Variants in LRBA observed in about 807,000 individuals in gnomAD.
LRBA encodes lipopolysaccharide-responsive and beige-like anchor protein.
In LRBA, 176 loss-of-function variants were observed where a neutral mutation model predicts 330.0. That is an observed-to-expected ratio of 0.53 (90% confidence interval 0.47 to 0.60). The LOEUF is 0.60. Ranked by LOEUF, LRBA falls within the 20% of genes least tolerant of loss-of-function variation. The pLI is 0.00. For synonymous variants in LRBA, 1,230 were observed against 1,193.0 expected (o/e 1.03, Z -0.64); for missense variants, 3,259 against 3,444.8 (o/e 0.95, Z 1.35).
chr4:150,987,243 C>T (rs1741565229), intron 2 of LRBA, among the ~76,000 whole-genome samples: 1 of 152,210 alleles, frequency 6.6e-6, no homozygotes, highest in African/African-American at 2.4e-5. Flanking sequence ...TATTTTACTC[C>T]TACTCCAGTA....
intron 42 of LRBA, among the ~76,000 whole-genome samples, chr4:150,483,066 C>T (rs1005778753): frequency 2.0e-5 from 3 of 151,992 alleles, no homozygotes; most frequent in African/African-American, 7.2e-5. Context: ...AATTCAAGGT[C>T]ACAAAGATTT....
At chr4:150,423,862 C>T (rs1749176618) in intron 46 of LRBA, among the ~76,000 whole-genome samples, 1 of 152,066 alleles carries the variant, frequency 6.6e-6, no homozygotes, top group South Asian at 2.1e-4. Flanking sequence ...GAATACAGAT[C>T]TAAATCAGTA....
At chr4:150,804,984 G>A (rs968693498) in intron 33 of LRBA, among the ~76,000 whole-genome samples, 6 of 151,942 alleles carry the variant, frequency 3.9e-5, no homozygotes, top group South Asian at 2.1e-4. Context: ...TCCTAGGTAC[G>A]AAGATGAAGA....
chr4:150,574,419 T>G (rs1232183740), intron 40 of LRBA, among the ~76,000 whole-genome samples: 1 of 151,868 alleles, frequency 6.6e-6, no homozygotes, highest in East Asian at 1.9e-4. Context: ...TGGTGGAAAA[T>G]TTTAGACTTT....
intron 52 of LRBA, 79 bp from the exon 53 acceptor site, chr4:150,302,871 C>T (rs887380220): frequency 6.6e-6 from 7 of 1,055,238 alleles, no homozygotes; most frequent in East Asian, 5.4e-5. Context: ...TGTAAAACAA[C>T]GAAGCTATAT....
intron 34 of LRBA, among the ~76,000 whole-genome samples, chr4:150,791,954 G>A (rs1025834924): frequency 1.1e-4 from 16 of 149,840 alleles, no homozygotes; most frequent in Admixed American, 2.0e-4. Flanking sequence ...GCATGAACCC[G>A]GGAGATGGAG....
intron 40 of LRBA, among the ~76,000 whole-genome samples, chr4:150,510,916 C>T (rs1051239351): frequency 3.3e-5 from 5 of 152,068 alleles, no homozygotes; most frequent in Non-Finnish European, 5.9e-5. Context: ...AGTGCAGTGG[C>T]GTGATCTTGG....
At chr4:150,766,966 C>T (rs938252841) in intron 34 of LRBA, among the ~76,000 whole-genome samples, 1 of 152,066 alleles carries the variant, frequency 6.6e-6, no homozygotes, top group Non-Finnish European at 1.5e-5. Context: ...CTAAAATATA[C>T]TCTTAGCTTA....
chr4:150,349,700 A>G (rs972707427), intron 48 of LRBA, among the ~76,000 whole-genome samples: 5 of 152,170 alleles, frequency 3.3e-5, no homozygotes, highest in Admixed American at 6.5e-5. Flanking sequence ...TTTTCCTACA[A>G]AAATCATGAG....
intron 31 of LRBA, among the ~76,000 whole-genome samples, chr4:150,815,792 C>G (rs929919935): frequency 6.6e-5 from 10 of 151,838 alleles, no homozygotes; most frequent in Admixed American, 2.6e-4. Context: ...CACTTTCTTG[C>G]TTTTACCATG....
chr4:150,295,877 T>A (rs1373785700), intron 53 of LRBA, among the ~76,000 whole-genome samples: 1 of 152,202 alleles, frequency 6.6e-6, no homozygotes, highest in African/African-American at 2.4e-5. Flanking sequence ...TTTTTCCTAC[T>A]TGCTTGAGAC....
At position 150,377,197 on chromosome 4, in the gene LRBA, T is replaced by TC. The variant is rs147202060; in HGVS notation, c.7195-27039dup. On this transcript the variant is annotated intron_variant, in intron 47 of 56. Coordinates refer to ENST00000651943, the MANE Select transcript of LRBA (RefSeq NM_001364905.1). ...GACTTGGGCTTAGGATAGGAAAACT[T>TC]CCCCTAGGAATTCATATCCACAGGT... is the stretch of plus-strand genomic sequence containing the variant. 8.6e-3 allele frequency among the ~76,000 whole-genome samples: 1,299 copies of TC among 151,164 alleles called. 17 individuals are homozygous for TC. Among genetic ancestry groups the TC allele is most frequent in the African/African-American group, 0.03 (1,233 of 41,260 alleles).
At chr4:150,456,420 T>G (rs62344663) in intron 44 of LRBA, among the ~76,000 whole-genome samples, 34,167 of 152,074 alleles carry the variant, frequency 0.22, 4,488 homozygotes, top group Non-Finnish European at 0.3. Flanking sequence ...TCTCTGATGA[T>G]CAATGATGTT....
chr4:150,799,889 C>T (rs1347272311), intron 33 of LRBA, among the ~76,000 whole-genome samples: 2 of 152,100 alleles, frequency 1.3e-5, no homozygotes, highest in African/African-American at 4.8e-5. Flanking sequence ...GAATTACAGG[C>T]GCCCACCACC....
chr4:150,474,252 C>T lies in LRBA; in HGVS notation c.6552-2513G>A, dbSNP rs1255564421. Among the ~76,000 whole-genome samples, 3 of 152,118 alleles carry T rather than the reference C, an allele frequency of 2.0e-5. No individual in the cohort carries two copies. In the East Asian group the frequency reaches 5.8e-4, roughly 29 times the overall value. On this transcript the variant is annotated intron_variant, in intron 42 of 56. Coordinates refer to ENST00000651943, the MANE Select transcript of LRBA (RefSeq NM_001364905.1). The stretch of plus-strand genomic sequence containing the variant: ...TCTTTTCCTCACTGAATTGTGTTGG[C>T]ACCTTTGCTGCAAAACAATTGACCG...
At chr4:150,645,480 A>T (rs1440613473) in intron 37 of LRBA, among the ~76,000 whole-genome samples, 1 of 151,968 alleles carries the variant, frequency 6.6e-6, no homozygotes, top group African/African-American at 2.4e-5. Flanking sequence ...ATTTGCAGCT[A>T]ATACATTTTC....
chr4:150,883,332 C>T (rs575687112), intron 17 of LRBA, among the ~76,000 whole-genome samples: 20 of 152,038 alleles, frequency 1.3e-4, no homozygotes, highest in East Asian at 1.2e-3. Context: ...TGGGGGTGGG[C>T]GCCTGTAATA....
In LRBA at chr4:150,277,839, G is replaced by C; in HGVS notation, c.8468+14C>G. The stretch of plus-strand genomic sequence containing the variant: ...TTTGAAACCCCTATTTGTAGCCCAT[G>C]ATTCCAGTGTTACCTCTGGTCGTAA... On this transcript the variant is annotated intron_variant, in intron 56 of 56. Coordinates refer to ENST00000651943, the MANE Select transcript of LRBA (RefSeq NM_001364905.1). 6.2e-7 allele frequency: 1 copy of C among 1,612,534 alleles called. No homozygotes were observed. Among genetic ancestry groups the C allele is most frequent in the Non-Finnish European group, 8.5e-7 (1 of 1,178,794 alleles).
chr4:150,533,991 A>C (rs541146482), intron 40 of LRBA, among the ~76,000 whole-genome samples: 2 of 152,260 alleles, frequency 1.3e-5, no homozygotes, highest in East Asian at 1.9e-4. Context: ...ACCCACATCA[A>C]GTATCTCTAC....
Sources: allele counts gnomAD v4.1 joint callset (sites outside exome capture counted in the v4.1 genomes callset), GRCh38; gene constraint gnomAD v4.1.1; transcripts MANE v1.5; gene names NCBI Gene and HGNC (gene_info 2026-07-23, HGNC 2026-07-21).